Variants in NUP85 observed in about 807,000 individuals in gnomAD.
The protein encoded by NUP85 is nuclear pore complex protein Nup85.
In NUP85, 23 loss-of-function variants were observed where a neutral mutation model predicts 92.8. The ratio of observed to expected loss-of-function variants is 0.25; its 90% CI spans 0.18 to 0.35. NUP85 has a LOEUF of 0.35. NUP85 is among the 10% of genes least tolerant of loss of function. NUP85 has a pLI of 1.00. For synonymous variants in NUP85, 314 were observed against 306.9 expected, an observed-to-expected ratio of 1.02 and a Z score of -0.24; for missense variants, 759 against 822.8, an observed-to-expected ratio of 0.92 and a Z score of 0.95.
In NUP85 at chr17:75,209,073, G is replaced by A. The variant is rs540919370; in HGVS notation, c.127+453G>A. The stretch of plus-strand genomic sequence containing the variant: ...GAGATCTTGAAGATGTTGAATCCCG[G>A]AAAAAAATTAATAGTTTTCATGAAA... On this transcript the variant is annotated intron_variant, in intron 2 of 18. Coordinates refer to ENST00000245544, the MANE Select transcript of NUP85 (RefSeq NM_024844.5). 2.6e-5 allele frequency among the ~76,000 whole-genome samples: 4 copies of A among 152,100 alleles called. No homozygotes were observed. In the South Asian group the frequency reaches 8.3e-4, roughly 32 times the overall value.
At chr17:75,208,280 G>GAAAAA in intron 1 of NUP85, 5 of 303,854 alleles carry the variant, frequency 1.6e-5, no homozygotes, top group Non-Finnish European at 2.9e-5. Flanking sequence ...TACTAAAAAT[G>GAAAAA]AAAAAAAAAA....
Position 75,231,658 on chromosome 17 carries a change from T to G in NUP85, c.1244+20T>G. 1 of 1,613,066 alleles carries G rather than the reference T, an allele frequency of 6.2e-7. No individual in the cohort carries two copies. The highest frequency in any genetic ancestry group is 8.5e-7 in the Non-Finnish European group (1 of 1,179,230). ...TCCCAGGTAGGAAGGACCCCATGGG[T>G]GTGGGCTATGCGGGTGCTCTTCAGC... On this transcript the variant is annotated intron_variant, in intron 13 of 18. Coordinates refer to ENST00000245544, the MANE Select transcript of NUP85 (RefSeq NM_024844.5). The surrounding 1 kb of genome is among the most constrained non-coding windows in gnomAD (Gnocchi z 4.6).
chr17:75,225,431 C>A lies in NUP85; in HGVS notation c.822C>A (p.Phe274Leu), dbSNP rs774652697. ...AGCGGTACCTCCAGGACAGCACATTCGCCACCAGCCCTCACCTGGAGTCTC... is the reference window on the plus strand; with the variant it reads ...AGCGGTACCTCCAGGACAGCACATTAGCCACCAGCCCTCACCTGGAGTCTC... ...ECERYLQDSTFATSPHLESLL... is the reference protein window; with the variant it reads ...ECERYLQDSTLATSPHLESLL... The change falls in exon 9 of 19, where the codon TTC (phenylalanine) becomes TTA (leucine). Residue 274 changes from phenylalanine to leucine, a missense_variant. Phe to Leu is a conservative substitution (Grantham distance 22). Transcript: ENST00000245544. The A allele has an allele frequency of 6.2e-7, 1 of 1,614,024 alleles. No individual in the cohort carries two copies. Among genetic ancestry groups the A allele is most frequent in the Admixed American group, 1.7e-5 (1 of 60,018 alleles).
At chr17:75,213,883 T>G (rs544924879) in intron 5 of NUP85, among the ~76,000 whole-genome samples, 4,960 of 149,218 alleles carry the variant, frequency 0.033, 139 homozygotes, top group Middle Eastern at 0.06. Context: ...TTTTTTTTTT[T>G]TTTTTTGAGA....
chr17:75,229,974 C>T (rs369761143), intron 11 of NUP85, among the ~76,000 whole-genome samples: 2 of 152,104 alleles, frequency 1.3e-5, no homozygotes, highest in East Asian at 1.9e-4. Context: ...CCAGCCCACT[C>T]CCTCCCATTT....
At chr17:75,229,197 C>T (rs2075945125) in intron 11 of NUP85, 3 of 981,860 alleles carry the variant, frequency 3.1e-6, no homozygotes, top group Non-Finnish European at 3.6e-6. Flanking sequence ...CTAGAATCTT[C>T]TGACTTGTAT....
intron 6 of NUP85, among the ~76,000 whole-genome samples, chr17:75,216,700 C>CT (rs1169982419): frequency 6.6e-6 from 1 of 152,146 alleles, no homozygotes; most frequent in Non-Finnish European, 1.5e-5. Flanking sequence ...GTAGTAACCT[C>CT]TGTGTAGCCC....
At chr17:75,218,066 A>T in intron 6 of NUP85, 119 bp from the exon 7 acceptor site, 1 of 1,346,180 alleles carries the variant, frequency 7.4e-7, no homozygotes, top group Non-Finnish European at 1.0e-6. Flanking sequence ...GTGACTGCTT[A>T]AAAGGGATAA....
At chr17:75,225,545 G>C (rs2075758977) in intron 9 of NUP85, 81 bp downstream of exon 9, 1 of 1,579,092 alleles carries the variant, frequency 6.3e-7, no homozygotes, top group African/African-American at 1.3e-5. Flanking sequence ...GCAGGAGCTT[G>C]GTCCTCCTTG....
intron 4 of NUP85, among the ~76,000 whole-genome samples, chr17:75,212,308 G>A (rs1467396271): frequency 9.4e-6 from 1 of 106,576 alleles, no homozygotes; most frequent in Admixed American, 1.4e-4. Context: ...TTGCTCTGTC[G>A]CCCAGGCTGA....
intron 5 of NUP85, among the ~76,000 whole-genome samples, chr17:75,215,437 T>G (rs983602838): frequency 3.3e-5 from 5 of 152,188 alleles, no homozygotes; most frequent in African/African-American, 1.2e-4. Flanking sequence ...CTCAAACTCC[T>G]AGACTCAAGC....
intron 11 of NUP85, chr17:75,228,515 G>A: frequency 1.0e-6 from 1 of 985,452 alleles, no homozygotes; most frequent in Non-Finnish European, 1.2e-6. Context: ...TTCAGAGGCA[G>A]TAGCAGTTTT....
At position 75,231,050 on chromosome 17, in the gene NUP85, G is replaced by T; in HGVS notation, c.1095-290G>T. 3 of 359,976 alleles carry T rather than the reference G, an allele frequency of 8.3e-6. No individual in the cohort carries two copies. The highest frequency in any genetic ancestry group is 1.6e-5 in the Non-Finnish European group (3 of 190,264). The allele number at this position is 359,976 out of a possible 1,614,324, so 22.3% of individuals were successfully genotyped here. A position where few individuals can be genotyped will look rare whatever the true frequency, so the allele number is the denominator to read the frequency against. ...AGGCTCAAGCAATACTCCCACCCCA[G>T]CTTCTCGAGTAGCTGGGATTACAGG... On this transcript the variant is annotated intron_variant, in intron 11 of 18. Coordinates refer to ENST00000245544, the MANE Select transcript of NUP85 (RefSeq NM_024844.5). The surrounding 1 kb of genome is among the most constrained non-coding windows in gnomAD (Gnocchi z 4.6).
At chr17:75,211,802 A>G (rs1048856662) in intron 3 of NUP85, among the ~76,000 whole-genome samples, 190 bp from the exon 4 acceptor site, 128 of 152,260 alleles carry the variant, frequency 8.4e-4, no homozygotes, top group African/African-American at 2.9e-3. Flanking sequence ...TATTAACTTT[A>G]GCCCATGGGT....
Position 75,209,888 on chromosome 17 carries a change from T to C in NUP85, c.193T>C (p.Ser65Pro). 6.3e-7 allele frequency: 1 copy of C among 1,587,884 alleles called. No homozygotes were observed. Reference protein sequence around the residue: ...YIIRKDVDVYSQILRKLFNES... With the variant: ...YIIRKDVDVYPQILRKLFNES... ...CATCCGTAAGGATGTAGATGTTTAC[T>C]CTCAAATCTTGAGAAAACTCTTCAA... The change falls in exon 3 of 19, where the codon TCT (serine) becomes CCT (proline). Residue 65 changes from serine to proline, a missense_variant. Ser to Pro is a moderately conservative substitution (Grantham distance 74). Coordinates refer to ENST00000245544, the MANE Select transcript of NUP85 (RefSeq NM_024844.5).
intron 16 of NUP85, among the ~76,000 whole-genome samples, chr17:75,233,799 C>T (rs1392983016): frequency 1.2e-4 from 18 of 152,172 alleles, no homozygotes; most frequent in South Asian, 1.0e-3. Context: ...GGGGTTTCAC[C>T]GTGTTAGCCA....
Position 75,232,912 on chromosome 17 carries a change from C to T in NUP85, c.1458C>T (p.Ala486=), listed in dbSNP as rs773324515. 3.7e-6 allele frequency: 6 copies of T among 1,614,178 alleles called. No homozygotes were observed. The Middle Eastern group carries it at 4.9e-4, about 133-fold the overall frequency. The change falls in exon 15 of 19, where the codon GCC becomes GCT. Residue 486 remains alanine (A), a synonymous_variant. Transcript: ENST00000245544. The part of the protein sequence containing the change: ...KAVRNNRLGS[A]LSWSIRAKDA... ...TCCGCAACAATCGCCTGGGTTCTGC[C>T]CTCTCTTGGAGCATCCGTGCTAAGG...
intron 16 of NUP85, among the ~76,000 whole-genome samples, chr17:75,233,437 C>CTTTTTTTTTTTTTTTTTTTTTT (rs60396796): frequency 3.4e-5 from 4 of 117,186 alleles, no homozygotes; most frequent in African/African-American, 1.4e-4. Context: ...TTTATTTTTT[C>CTTTTTTTTTTTTTTTTTTTTTT]TTTTTTTTTT....
At position 75,235,649 on chromosome 17, in the gene NUP85, TATAAG is replaced by T. The variant is rs1470262682; in HGVS notation, c.1943_1947del (p.Ile648ArgfsTer?). ...TGGCACGAAATCTTGCTCGGGCAAT[TATAAG>T]AGAAGGCTCACTGGAAGGTTCCTGA... On this transcript the variant is annotated frameshift_variant, in exon 19 of 19. Coordinates refer to ENST00000245544, the MANE Select transcript of NUP85 (RefSeq NM_024844.5). LOFTEE classifies it high-confidence loss of function. 6.2e-7 allele frequency: 1 copy of T among 1,613,912 alleles called. No homozygotes were observed. The highest frequency in any genetic ancestry group is 8.5e-7 in the Non-Finnish European group (1 of 1,179,882).
Sources: gnomAD v4.1 joint callset for allele counts (sites outside exome capture counted in the v4.1 genomes callset) on GRCh38, gnomAD v4.1.1 for gene constraint, Gnocchi (gnomAD v3.1) non-coding constraint, MANE v1.5 for transcripts, NCBI Gene and HGNC (gene_info 2026-07-23, HGNC 2026-07-21) for gene names.